Variants in WDFY2 observed in about 807,000 individuals in gnomAD.
WDFY2 encodes the protein WD repeat and FYVE domain-containing protein 2.
In WDFY2, 36 loss-of-function variants were observed where a neutral mutation model predicts 56.4. The ratio of observed to expected loss-of-function variants is 0.64; its 90% CI spans 0.49 to 0.84. WDFY2 has a LOEUF of 0.84. Ranked by LOEUF, WDFY2 falls within the 40% of genes least tolerant of loss-of-function variation. The probability of loss-of-function intolerance (pLI) is 0.00; values close to 1 mark genes in which losing one functional copy is unlikely to be tolerated. For synonymous variants in WDFY2, 176 were observed against 183.7 expected (o/e 0.96, Z 0.34); for missense variants, 444 against 512.2 (o/e 0.87, Z 1.29).
intron 1 of WDFY2, among the ~76,000 whole-genome samples, chr13:51,648,672 G>A (rs1426675058): frequency 6.6e-6 from 1 of 152,122 alleles, no homozygotes; most frequent in East Asian, 1.9e-4. Context: ...GACTACCATG[G>A]CACACTTATA....
At chr13:51,620,329 A>G (rs976886031) in intron 1 of WDFY2, among the ~76,000 whole-genome samples, 1 of 151,928 alleles carries the variant, frequency 6.6e-6, no homozygotes, top group Admixed American at 6.6e-5. Context: ...TGTTGCCTGG[A>G]CTGGAGATGG....
At chr13:51,716,506 A>C (rs1031417195) in intron 4 of WDFY2, among the ~76,000 whole-genome samples, 7 of 151,360 alleles carry the variant, frequency 4.6e-5, no homozygotes, top group South Asian at 2.1e-4. Flanking sequence ...TCCCGGCTAA[A>C]ACGGTGAAAC....
At chr13:51,590,758 C>CT (rs1954027098) in intron 1 of WDFY2, 2 of 150,380 alleles carry the variant, frequency 1.3e-5, no homozygotes, top group Admixed American at 1.3e-4. Flanking sequence ...AATTCCCTAA[C>CT]AGAGAAAAAA....
At chr13:51,759,249 T>C (rs1953501730) in intron 11 of WDFY2, among the ~76,000 whole-genome samples, 1 of 152,164 alleles carries the variant, frequency 6.6e-6, no homozygotes, top group African/African-American at 2.4e-5. Context: ...GAAAACGAGG[T>C]ATCTTGTAAA....
At chr13:51,603,478 T>G (rs529046050) in intron 1 of WDFY2, among the ~76,000 whole-genome samples, 1 of 152,332 alleles carries the variant, frequency 6.6e-6, no homozygotes, top group South Asian at 2.1e-4. Flanking sequence ...GGGATACTCA[T>G]GACTTCTCAT....
intron 2 of WDFY2, among the ~76,000 whole-genome samples, chr13:51,663,770 A>G (rs895484321): frequency 6.6e-6 from 1 of 152,334 alleles, no homozygotes; most frequent in South Asian, 2.1e-4. Context: ...AATAATGGTT[A>G]TGTGATATTG....
intron 1 of WDFY2, among the ~76,000 whole-genome samples, chr13:51,613,061 G>A (rs560403176): frequency 2.0e-5 from 3 of 152,160 alleles, no homozygotes; most frequent in African/African-American, 4.8e-5. Flanking sequence ...AGCCATGTGC[G>A]GTGGTGCATG....
chr13:51,727,324 A>G (rs764748617), intron 5 of WDFY2, among the ~76,000 whole-genome samples: 1 of 152,228 alleles, frequency 6.6e-6, no homozygotes, highest in South Asian at 2.1e-4. Context: ...TAACCTCCCT[A>G]TCACATACCA....
intron 7 of WDFY2, among the ~76,000 whole-genome samples, chr13:51,747,467 T>C (rs1953129511): frequency 6.6e-6 from 1 of 152,276 alleles, no homozygotes; most frequent in Non-Finnish European, 1.5e-5. Context: ...CTGACAGTTA[T>C]TCCCATTTAC....
chr13:51,641,718 T>C (rs1026604938), intron 1 of WDFY2, among the ~76,000 whole-genome samples: 3 of 142,562 alleles, frequency 2.1e-5, no homozygotes, highest in Middle Eastern at 3.9e-3. Context: ...CCCAGCTACT[T>C]GGGAGGCTGA....
intron 5 of WDFY2, among the ~76,000 whole-genome samples, chr13:51,725,043 G>A (rs1021416112): frequency 6.6e-6 from 1 of 152,108 alleles, no homozygotes; most frequent in Non-Finnish European, 1.5e-5. Context: ...AAATGTGTGT[G>A]TATTTTTTAA....
intron 10 of WDFY2, among the ~76,000 whole-genome samples, chr13:51,757,655 G>A (rs1298149094): frequency 6.6e-6 from 1 of 151,450 alleles, no homozygotes; most frequent in Non-Finnish European, 1.5e-5. Context: ...AAAAAGTATA[G>A]GTAAAAAATA....
chr13:51,621,460 G>A (rs761195157), intron 1 of WDFY2, among the ~76,000 whole-genome samples: 14 of 152,140 alleles, frequency 9.2e-5, no homozygotes, highest in East Asian at 1.9e-4. Flanking sequence ...AGCCAAGATC[G>A]CGCCACTGCA....
chr13:51,692,512 A>G (rs963134035), intron 3 of WDFY2, among the ~76,000 whole-genome samples: 6 of 152,280 alleles, frequency 3.9e-5, no homozygotes, highest in African/African-American at 9.6e-5. Flanking sequence ...ATTTGCGTAT[A>G]TTGAACCAGC....
intron 1 of WDFY2, among the ~76,000 whole-genome samples, chr13:51,595,236 A>G (rs1213001132): frequency 2.6e-5 from 4 of 152,170 alleles, no homozygotes; most frequent in Non-Finnish European, 4.4e-5. Flanking sequence ...TGTGTCTTCC[A>G]TGGCTTCCAT....
chr13:51,756,116 A>G (rs1485135175), intron 9 of WDFY2, among the ~76,000 whole-genome samples: 1 of 152,130 alleles, frequency 6.6e-6, no homozygotes, highest in Admixed American at 6.5e-5. Flanking sequence ...GTGGGGTGGT[A>G]TCCCTGTCAG....
intron 1 of WDFY2, among the ~76,000 whole-genome samples, chr13:51,612,568 CA>C (rs1954524047): frequency 6.6e-6 from 1 of 152,072 alleles, no homozygotes; most frequent in African/African-American, 2.4e-5. Flanking sequence ...ATACATATGC[CA>C]AAAAGTGTAT....
intron 3 of WDFY2, among the ~76,000 whole-genome samples, chr13:51,698,795 A>G (rs1392714078): frequency 1.3e-5 from 2 of 152,242 alleles, no homozygotes; most frequent in Admixed American, 1.3e-4. Flanking sequence ...TCATAATGCC[A>G]TGGTTGTTTG....
intron 1 of WDFY2, among the ~76,000 whole-genome samples, chr13:51,593,402 C>T (rs762039503): frequency 2.0e-5 from 3 of 151,986 alleles, no homozygotes; most frequent in Admixed American, 1.3e-4. Context: ...ATAGGTGTCC[C>T]CTTCTATCCC....
Sources: allele counts gnomAD v4.1 joint callset (sites outside exome capture counted in the v4.1 genomes callset), GRCh38; gene constraint gnomAD v4.1.1; transcripts MANE v1.5; gene names NCBI Gene and HGNC (gene_info 2026-07-23, HGNC 2026-07-21).